OTUD7A: variants seen among roughly 807,000 people sequenced by gnomAD.
OTUD7A encodes OTU domain-containing protein 7A.
A neutral mutation model predicts 65.7 loss-of-function variants in OTUD7A; 12 were observed. The ratio of observed to expected loss-of-function variants is 0.18; its 90% CI spans 0.12 to 0.30. OTUD7A has a LOEUF of 0.30. OTUD7A is among the 10% of genes least tolerant of loss of function. The pLI is 1.00. For synonymous variants in OTUD7A, 641 were observed against 586.3 expected (o/e 1.09, Z -1.35); for missense variants, 1,148 against 1,304.8 (o/e 0.88, Z 1.85).
intron 1 of OTUD7A, among the ~76,000 whole-genome samples, chr15:31,763,133 A>G (rs569318278): frequency 3.1e-4 from 47 of 152,256 alleles, no homozygotes; most frequent in Admixed American, 3.1e-3. Context: ...AAGTACAAGA[A>G]TCAACTGGGC....
chr15:31,575,260 A>G (rs12592354), intron 3 of OTUD7A, among the ~76,000 whole-genome samples: 91,333 of 152,134 alleles, frequency 0.6, 29,622 homozygotes, highest in East Asian at 0.91. Context: ...GGTATGTTGT[A>G]CACCCTGCTT....
rs982314694 is a variant in OTUD7A at position 31,608,075 on chromosome 15, C to T, written c.152-37878G>A. Among the ~76,000 whole-genome samples, 4 of 152,102 alleles carry T rather than the reference C, an allele frequency of 2.6e-5. No homozygotes were observed. In the East Asian group the frequency reaches 7.7e-4, roughly 29 times the overall value. On this transcript the variant is annotated intron_variant, in intron 3 of 12. Coordinates refer to ENST00000307050, the MANE Select transcript of OTUD7A (RefSeq NM_001382637.1). ...CATCCTGGCCAACATGGTGAAACCC[C>T]GTCTCTACTAAAAATACAAAAATTA...
intron 5 of OTUD7A, among the ~76,000 whole-genome samples, chr15:31,543,290 A>G (rs1888037390): frequency 6.6e-6 from 1 of 151,874 alleles, no homozygotes; most frequent in African/African-American, 2.4e-5. Flanking sequence ...TAATGGAAAG[A>G]GAGGGTATAA....
At chr15:31,713,573 C>A (rs1175174510) in intron 1 of OTUD7A, among the ~76,000 whole-genome samples, 4 of 151,834 alleles carry the variant, frequency 2.6e-5, no homozygotes, top group African/African-American at 9.7e-5. Context: ...GAGCTGAGAT[C>A]GTGCCACTAC....
Position 31,483,952 on chromosome 15 carries a change from C to T in OTUD7A, c.2144G>A (p.Arg715His). 1 of 1,121,560 alleles carries T rather than the reference C, an allele frequency of 8.9e-7. No homozygotes were observed. Among genetic ancestry groups the T allele is most frequent in the East Asian group, 7.2e-5 (1 of 13,964 alleles). 69.5% of individuals were successfully genotyped at this position (1,121,560 alleles called of 1,614,324 possible). A position where few individuals can be genotyped will look rare whatever the true frequency, so the allele number is the denominator to read the frequency against. The change falls in exon 13 of 13, where the codon CGC (arginine) becomes CAC (histidine). Residue 715 changes from arginine (R) to histidine (H), a missense_variant. Around this residue, in one of 6 missense-constraint regions of OTUD7A, gnomAD observed 842 missense variants for 769.5 expected, o/e 1.09. Transcript: ENST00000307050. ...CTGCGTGGGTGGGCCCGGAGAGGCGCGCTCCGGGACCGGCACGCCCTCCGT... is the reference window on the plus strand; with the variant it reads ...CTGCGTGGGTGGGCCCGGAGAGGCGTGCTCCGGGACCGGCACGCCCTCCGT... ...PETEGVPVPE[R>H]ASPGPPTQLV... is the part of the protein sequence containing the mutation.
rs1383666612 is a variant in OTUD7A at position 31,740,463 on chromosome 15, G to C, written c.-99-83386C>G. Among the ~76,000 whole-genome samples the C allele has an allele frequency of 3.9e-5, 6 of 152,132 alleles. No homozygotes were observed. In the South Asian group the frequency reaches 1.0e-3, roughly 26 times the overall value. On this transcript the variant is annotated intron_variant, in intron 1 of 12. Coordinates refer to ENST00000307050, the MANE Select transcript of OTUD7A (RefSeq NM_001382637.1). ...AGGGTGGGAGGTGGGAGGAAGGAGAGAAGCAAGGAGGAGATGAGTCAGGAG... is the reference window on the plus strand; with the variant it reads ...AGGGTGGGAGGTGGGAGGAAGGAGACAAGCAAGGAGGAGATGAGTCAGGAG...
chr15:31,710,881 A>C (rs941196512), intron 1 of OTUD7A, among the ~76,000 whole-genome samples: 1 of 151,988 alleles, frequency 6.6e-6, no homozygotes, highest in Non-Finnish European at 1.5e-5. Context: ...GGGGTAGGGG[A>C]GTCTTTCTTT....
At chr15:31,533,327 C>G (rs145477528) in intron 5 of OTUD7A, among the ~76,000 whole-genome samples, 1 of 150,588 alleles carries the variant, frequency 6.6e-6, no homozygotes, top group Non-Finnish European at 1.5e-5. Flanking sequence ...ACCTCTGCCT[C>G]TTAGGTTCAA....
At chr15:31,738,793 C>A (rs774223635) in intron 1 of OTUD7A, among the ~76,000 whole-genome samples, 2 of 152,178 alleles carry the variant, frequency 1.3e-5, no homozygotes, top group Non-Finnish European at 2.9e-5. Context: ...AGCGTGGATG[C>A]CAAAAAGCTT....
intron 1 of OTUD7A, among the ~76,000 whole-genome samples, chr15:31,868,755 G>C (rs1214646424): frequency 2.0e-5 from 3 of 152,162 alleles, no homozygotes; most frequent in Non-Finnish European, 4.4e-5. Context: ...TATGATCCAG[G>C]CCCAAGTGAG....
chr15:31,742,601 T>C (rs1894372310), intron 1 of OTUD7A, among the ~76,000 whole-genome samples: 1 of 152,082 alleles, frequency 6.6e-6, no homozygotes, highest in African/African-American at 2.4e-5. Context: ...AACCTAAACA[T>C]ATACATAATT....
rs1323316924 is a variant in OTUD7A at position 31,484,710 on chromosome 15, C to T, written c.1386G>A (p.Gln462=). The change falls in exon 13 of 13, where the codon CAG becomes CAA. Residue 462 remains glutamine (Q), a synonymous_variant. Coordinates refer to ENST00000307050, the MANE Select transcript of OTUD7A (RefSeq NM_001382637.1). This position sits in a 1 kb window ranked among gnomAD's most constrained non-coding sequence, Gnocchi z 4.5. ...IPSETRAPLA[Q]PESPTASAGE... ...CTGCCGAGGCCGTGGGAGACTCCGG[C>T]TGTGCCAGGGGCGCCTGTGTGGAGA... 6.3e-7 allele frequency: 1 copy of T among 1,589,796 alleles called. No individual in the cohort carries two copies. Among genetic ancestry groups the T allele is most frequent in the African/African-American group, 1.3e-5 (1 of 74,928 alleles).
intron 1 of OTUD7A, among the ~76,000 whole-genome samples, chr15:31,806,751 C>T (rs1896280081): frequency 6.6e-6 from 1 of 152,222 alleles, no homozygotes; most frequent in African/African-American, 2.4e-5. Flanking sequence ...ATGTTATCAA[C>T]AAAAGTGACC....
Position 31,833,361 on chromosome 15 carries a change from T to C in OTUD7A, c.-100+37146A>G, listed in dbSNP as rs555203388. On this transcript the variant is annotated intron_variant, in intron 1 of 12. Transcript: ENST00000307050. ...AATACACATTTGATGCAAGCATGTG[T>C]ATAATTTCTGGTTATTAGAAACTAA... Among the ~76,000 whole-genome samples, 85 of 152,366 alleles carry C rather than the reference T, an allele frequency of 5.6e-4. 3 individuals carry two copies. The South Asian group carries it at 0.017, about 31-fold the overall frequency.
intron 1 of OTUD7A, among the ~76,000 whole-genome samples, chr15:31,750,508 T>A (rs367578630): frequency 2.0e-4 from 28 of 140,478 alleles, no homozygotes; most frequent in African/African-American, 6.3e-4. Flanking sequence ...GAAAAAAAAA[T>A]CCAAAATTTA....
At chr15:31,552,542 G>A (rs752387477) in intron 5 of OTUD7A, among the ~76,000 whole-genome samples, 4 of 152,290 alleles carry the variant, frequency 2.6e-5, no homozygotes, top group Non-Finnish European at 5.9e-5. Context: ...GTGCACACAC[G>A]ACCTCAGTTC....
At chr15:31,697,910 C>G (rs1203218807) in intron 1 of OTUD7A, among the ~76,000 whole-genome samples, 1 of 152,190 alleles carries the variant, frequency 6.6e-6, no homozygotes, top group African/African-American at 2.4e-5. Flanking sequence ...CTTATCTCCA[C>G]AGCTCCTGAA....
At chr15:31,585,610 C>T (rs1055949319) in intron 3 of OTUD7A, among the ~76,000 whole-genome samples, 1 of 152,210 alleles carries the variant, frequency 6.6e-6, no homozygotes, top group African/African-American at 2.4e-5. Flanking sequence ...GGCTTCCCTG[C>T]CCTTCACTCC....
At chr15:31,681,124 A>AT (rs1317312438) in intron 1 of OTUD7A, among the ~76,000 whole-genome samples, 1 of 150,552 alleles carries the variant, frequency 6.6e-6, no homozygotes, top group Non-Finnish European at 1.5e-5. Flanking sequence ...TTTGATATAT[A>AT]TTTTTTCCTG....
Sources: allele counts gnomAD v4.1 joint callset (sites outside exome capture counted in the v4.1 genomes callset), GRCh38; gene constraint gnomAD v4.1.1; regional missense constraint gnomAD v4.1.1; non-coding constraint Gnocchi (gnomAD v3.1); transcripts MANE v1.5; gene names NCBI Gene and HGNC (gene_info 2026-07-23, HGNC 2026-07-21).